RDH10: variants seen among roughly 807,000 people sequenced by gnomAD.
The protein encoded by RDH10 is retinol dehydrogenase 10 (all-trans).
A neutral mutation model predicts 30.2 loss-of-function variants in RDH10; 12 were observed. The observed-to-expected ratio is 0.40, with a 90% CI of 0.25 to 0.64. RDH10 has a LOEUF of 0.64. Among genes scored for constraint, RDH10 ranks in the 30% least tolerant of loss-of-function variants. RDH10 has a pLI of 0.43. For synonymous variants in RDH10, 189 were observed against 172.2 expected, an observed-to-expected ratio of 1.10 and a Z score of -0.76; for missense variants, 268 against 445.2, an observed-to-expected ratio of 0.60 and a Z score of 3.58.
chr8:73,300,995 T>G (rs914095599), intron 2 of RDH10, among the ~76,000 whole-genome samples: 9 of 151,982 alleles, frequency 5.9e-5, no homozygotes, highest in African/African-American at 2.2e-4. Context: ...GAAGGCAGTT[T>G]ATTATATACA....
Position 73,295,196 on chromosome 8 carries a change from T to C in RDH10, c.-94T>C, listed in dbSNP as rs1814237897. Reference sequence around the variant, plus strand: ...GGCGCAGCCTTCTCGTCCCGGCCTCTGTGACAAGCGCCCCGGAGCCGGGAG... The same window carrying C: ...GGCGCAGCCTTCTCGTCCCGGCCTCCGTGACAAGCGCCCCGGAGCCGGGAG... On this transcript the variant is annotated 5_prime_UTR_variant, in exon 1 of 6. Coordinates refer to ENST00000240285, the MANE Select transcript of RDH10 (RefSeq NM_172037.5). 2 of 1,258,300 alleles carry C rather than the reference T, an allele frequency of 1.6e-6. No individual in the cohort carries two copies. The highest frequency in any genetic ancestry group is 2.1e-6 in the Non-Finnish European group (2 of 950,560). 77.9% of individuals were successfully genotyped at this position (1,258,300 alleles called of 1,614,324 possible).
chr8:73,297,606 C>T (rs1030924060), intron 2 of RDH10, 177 bp downstream of exon 2: 7 of 549,338 alleles, frequency 1.3e-5, no homozygotes, highest in African/African-American at 5.9e-5. Context: ...GTTTTGTCCC[C>T]GCCCACCCCC....
intron 4 of RDH10, 95 bp downstream of exon 4, chr8:73,321,172 A>C: frequency 8.7e-7 from 1 of 1,155,338 alleles, no homozygotes; most frequent in Non-Finnish European, 1.2e-6. Context: ...TTTAACTATC[A>C]TTTGACAATC....
intron 2 of RDH10, among the ~76,000 whole-genome samples, chr8:73,309,273 G>C (rs528698616): frequency 6.6e-6 from 1 of 152,282 alleles, no homozygotes; most frequent in Admixed American, 6.5e-5. Flanking sequence ...GAAAGTCAGG[G>C]CCGGCCAGTG....
rs939195175 is a variant in RDH10 at position 73,322,131 on chromosome 8, A to G, written c.771-548A>G. ...GAATGAAAGGAATAAATTGCACACT[A>G]TCATTTCAACATGTAACCCAGTGAA... On this transcript the variant is annotated intron_variant, in intron 4 of 5. Coordinates refer to ENST00000240285, the MANE Select transcript of RDH10 (RefSeq NM_172037.5). 3.5e-5 allele frequency: 14 copies of G among 395,758 alleles called. 1 individual carries two copies. The highest frequency in any genetic ancestry group is 5.7e-5 in the Admixed American group (2 of 34,970). 24.5% of individuals were successfully genotyped at this position (395,758 alleles called of 1,614,324 possible).
intron 3 of RDH10, among the ~76,000 whole-genome samples, chr8:73,320,384 G>C (rs937591121): frequency 1.3e-5 from 2 of 151,164 alleles, no homozygotes; most frequent in African/African-American, 4.9e-5. Context: ...ATCTGTTTCT[G>C]CTGTTGCTTT....
chr8:73,323,156 C>A lies in RDH10; in HGVS notation c.*120C>A. ...AACTTGTGTTGTTTCTTTTTTAAAT[C>A]AACTTTTTAAAAAAATAAAGTGTAA... is the stretch of plus-strand genomic sequence containing the variant. On this transcript the variant is annotated 3_prime_UTR_variant, in exon 6 of 6. Coordinates refer to ENST00000240285, the MANE Select transcript of RDH10 (RefSeq NM_172037.5). The A allele has an allele frequency of 1.2e-6, 1 of 831,064 alleles. No individual in the cohort carries two copies. The highest frequency in any genetic ancestry group is 1.7e-5 in the South Asian group (1 of 58,148). 51.5% of individuals were successfully genotyped at this position (831,064 alleles called of 1,614,324 possible). A position where few individuals can be genotyped will look rare whatever the true frequency, so the allele number is the denominator to read the frequency against.
chr8:73,318,260 G>A (rs762048843), intron 2 of RDH10, among the ~76,000 whole-genome samples: 2 of 152,002 alleles, frequency 1.3e-5, no homozygotes, highest in Non-Finnish European at 2.9e-5. Context: ...TTGAAGGCAA[G>A]CGAGCTAGAG....
chr8:73,303,217 C>CT (rs1352875732), intron 2 of RDH10, among the ~76,000 whole-genome samples: 1 of 152,214 alleles, frequency 6.6e-6, no homozygotes, highest in Middle Eastern at 3.2e-3. Context: ...TAATGTAGCA[C>CT]TTAAAGACAT....
chr8:73,305,405 CTTGAG>C (rs1215882134), intron 2 of RDH10, among the ~76,000 whole-genome samples: 2 of 152,114 alleles, frequency 1.3e-5, no homozygotes, highest in Non-Finnish European at 2.9e-5. Context: ...TAAGTTTTGT[CTTGAG>C]TTGAGAAATA....
intron 4 of RDH10, among the ~76,000 whole-genome samples, 167 bp downstream of exon 4, chr8:73,321,244 G>A (rs1008756011): frequency 3.9e-5 from 6 of 152,232 alleles, no homozygotes; most frequent in Non-Finnish European, 7.3e-5. Context: ...ATTTGCAAAG[G>A]AGAGACTGGT....
intron 4 of RDH10, chr8:73,321,912 T>G: frequency 2.2e-6 from 1 of 456,202 alleles, no homozygotes; most frequent in South Asian, 1.5e-5. Context: ...ACCTGGAAAA[T>G]GGACTCTAGC....
chr8:73,296,527 T>C (rs1207449127), intron 1 of RDH10, among the ~76,000 whole-genome samples: 1 of 152,180 alleles, frequency 6.6e-6, no homozygotes, highest in Non-Finnish European at 1.5e-5. Context: ...ACCTAAAAGA[T>C]AAGGGTATTC....
chr8:73,295,995 G>T, intron 1 of RDH10: 1 of 225,584 alleles, frequency 4.4e-6, no homozygotes, highest in East Asian at 1.6e-4. Context: ...TCTTACTGTG[G>T]TCTGAACCCC....
rs35622582 is a variant in RDH10 at position 73,324,484 on chromosome 8, T to C, written c.*1448T>C. ...GTCTTGTTTAAATAGTGGCCAATGT[T>C]TAAGGCTGTTAAAATAAGCCAACTT... is the stretch of plus-strand genomic sequence containing the variant. On this transcript the variant is annotated 3_prime_UTR_variant, in exon 6 of 6. Transcript: ENST00000240285. 0.071 allele frequency: 10,867 copies of C among 152,682 alleles called. 580 individuals are homozygous for C. The highest frequency in any genetic ancestry group is 0.12 in the South Asian group (564 of 4,814). 9.5% of individuals were successfully genotyped at this position (152,682 alleles called of 1,614,324 possible). A position where few individuals can be genotyped will look rare whatever the true frequency, so the allele number is the denominator to read the frequency against.
chr8:73,307,108 T>A (rs2130365288), intron 2 of RDH10, among the ~76,000 whole-genome samples: 1 of 152,362 alleles, frequency 6.6e-6, no homozygotes, highest in Admixed American at 6.5e-5. Flanking sequence ...TTATGTTTGC[T>A]GGACTCTTTA....
At chr8:73,296,434 TTTTAA>T (rs1401389716) in intron 1 of RDH10, among the ~76,000 whole-genome samples, 30 of 152,288 alleles carry the variant, frequency 2.0e-4, no homozygotes, top group African/African-American at 7.0e-4. Context: ...ATACCTGCGT[TTTTAA>T]TTTAAGGGTG....
chr8:73,301,638 C>G (rs1254586512), intron 2 of RDH10, among the ~76,000 whole-genome samples: 1 of 151,932 alleles, frequency 6.6e-6, no homozygotes, highest in Non-Finnish European at 1.5e-5. Context: ...AGCCTGTAAT[C>G]CCAGCTACTC....
Position 73,297,363 on chromosome 8 carries a change from CCTT to C in RDH10, c.462_464del (p.Leu155del), listed in dbSNP as rs770535913. The C allele has an allele frequency of 6.2e-7, 1 of 1,614,134 alleles. No homozygotes were observed. The highest frequency in any genetic ancestry group is 8.5e-7 in the Non-Finnish European group (1 of 1,179,980). On this transcript the variant is annotated inframe_deletion, in exon 2 of 6. Coordinates refer to ENST00000240285, the MANE Select transcript of RDH10 (RefSeq NM_172037.5). ...ATGCTGGTGTGGTCTCTGGGCATCA[CCTT>C]CTGGAATGTCCTGATGAGCTCATTG...
Sources: gnomAD v4.1 joint callset for allele counts (sites outside exome capture counted in the v4.1 genomes callset) on GRCh38, gnomAD v4.1.1 for gene constraint, MANE v1.5 for transcripts, NCBI Gene and HGNC (gene_info 2026-07-23, HGNC 2026-07-21) for gene names.